FAM13A: variants seen among roughly 807,000 people sequenced by gnomAD.
FAM13A encodes the protein protein FAM13A.
Under a neutral mutation model 129.6 loss-of-function variants are expected in FAM13A, and 76 were observed. The ratio of observed to expected loss-of-function variants is 0.59; its 90% CI spans 0.49 to 0.71. The LOEUF (loss-of-function observed/expected upper bound fraction) is 0.71, where lower values mean the gene tolerates loss of function less well. Among genes scored for constraint, FAM13A ranks in the 30% least tolerant of loss-of-function variants. FAM13A has a pLI of 0.00. For missense variants in FAM13A, 1,108 were observed against 1,249.3 expected (o/e 0.89, Z 1.70); for synonymous variants, 443 against 449.9 (o/e 0.98, Z 0.20).
intron 4 of FAM13A, among the ~76,000 whole-genome samples, chr4:88,944,869 C>A (rs1394816945): frequency 6.6e-6 from 1 of 151,286 alleles, no homozygotes; most frequent in Non-Finnish European, 1.5e-5. Flanking sequence ...TGCCACTGCA[C>A]TCCAGCCTCG....
At chr4:88,978,806 A>G (rs551418808) in intron 4 of FAM13A, among the ~76,000 whole-genome samples, 27 of 152,274 alleles carry the variant, frequency 1.8e-4, no homozygotes, top group African/African-American at 5.8e-4. Flanking sequence ...AAAAAAAAAG[A>G]TAACATCAAA....
intron 3 of FAM13A, among the ~76,000 whole-genome samples, chr4:88,996,063 A>C (rs897360893): frequency 6.6e-6 from 1 of 152,188 alleles, no homozygotes; most frequent in South Asian, 2.1e-4. Context: ...GTAGGCAAGG[A>C]AACAGCACAC....
chr4:88,768,035 G>A lies in FAM13A; in HGVS notation c.1483C>T (p.Arg495Ter), dbSNP rs754615660. 3 of 1,607,252 alleles carry A rather than the reference G, an allele frequency of 1.9e-6. No individual in the cohort carries two copies. The highest frequency in any genetic ancestry group is 2.6e-6 in the Non-Finnish European group (3 of 1,174,200). Residue 495 changes from arginine (R) to a stop codon, truncating the protein, a stop_gained, in exon 12 of 24, where the codon CGA becomes TGA. Transcript: ENST00000264344. LOFTEE classifies it high-confidence loss of function. ...LVNMESLNSTRSHERTGPDDF... is the reference protein window; with the variant it reads ...LVNMESLNST ...TCAGGTCCAGTTCTCTCATGAGATC[G>A]TGTGGAATTGAGACTTTCCATATTC...
intron 3 of FAM13A, among the ~76,000 whole-genome samples, chr4:89,018,789 T>C (rs185394609): frequency 5.3e-5 from 8 of 152,310 alleles, no homozygotes; most frequent in Admixed American, 1.3e-4. Flanking sequence ...CTTGGGTAGT[T>C]TGAAGAGTCT....
intron 4 of FAM13A, among the ~76,000 whole-genome samples, chr4:88,948,642 C>T (rs1284951291): frequency 6.6e-6 from 1 of 152,122 alleles, no homozygotes; most frequent in Non-Finnish European, 1.5e-5. Context: ...GTACATGCCA[C>T]CACGCCTGGC....
intron 9 of FAM13A, among the ~76,000 whole-genome samples, chr4:88,789,865 C>G (rs891594537): frequency 2.0e-5 from 3 of 152,070 alleles, no homozygotes; most frequent in African/African-American, 7.2e-5. Context: ...TACAAAGGCT[C>G]TGAGGCAGCA....
intron 14 of FAM13A, 120 bp downstream of exon 14, chr4:88,758,634 A>C (rs1022853775): frequency 4.0e-6 from 4 of 991,600 alleles, no homozygotes; most frequent in Non-Finnish European, 5.9e-6. Context: ...TTGGAAATGC[A>C]GTTACTTCTG....
intron 1 of FAM13A, among the ~76,000 whole-genome samples, chr4:89,030,263 T>A (rs1054248787): frequency 6.6e-6 from 1 of 152,008 alleles, no homozygotes; most frequent in Non-Finnish European, 1.5e-5. Flanking sequence ...CAATTTTAAA[T>A]TTTTCAACAA....
At chr4:88,730,286 T>G (rs931167565) in intron 23 of FAM13A, among the ~76,000 whole-genome samples, 8 of 152,232 alleles carry the variant, frequency 5.3e-5, no homozygotes, top group African/African-American at 1.9e-4. Flanking sequence ...ACTGTGACTT[T>G]CGGTAAGATT....
intron 6 of FAM13A, among the ~76,000 whole-genome samples, chr4:88,882,073 G>A (rs1368010366): frequency 6.6e-6 from 1 of 152,066 alleles, no homozygotes; most frequent in Non-Finnish European, 1.5e-5. Flanking sequence ...GAATAACCGA[G>A]GAAAACTTCC....
chr4:88,891,083 T>C (rs528640171), intron 6 of FAM13A, among the ~76,000 whole-genome samples: 1 of 152,248 alleles, frequency 6.6e-6, no homozygotes, highest in African/African-American at 2.4e-5. Context: ...TACCAAATAT[T>C]AAAGCAATTG....
At chr4:88,961,346 CCTTT>C (rs1758572515) in intron 4 of FAM13A, among the ~76,000 whole-genome samples, 13 of 89,348 alleles carry the variant, frequency 1.5e-4, no homozygotes, top group Non-Finnish European at 1.6e-4. Flanking sequence ...GTGGAATTTG[CCTTT>C]TTTTTTTTTT....
In FAM13A at chr4:88,990,966, A is replaced by T; in HGVS notation, c.605+7T>A. 6.2e-7 allele frequency: 1 copy of T among 1,610,120 alleles called. No individual in the cohort carries two copies. The highest frequency in any genetic ancestry group is 1.1e-5 in the South Asian group (1 of 90,948). ...ATGATATTAACAGTAAAACTCCACT[A>T]ACTTACTGAAAGCAATTTGGCCCAA... On this transcript the variant is annotated splice_region_variant and intron_variant, in intron 4 of 23. Coordinates refer to ENST00000264344, the MANE Select transcript of FAM13A (RefSeq NM_014883.4).
chr4:88,793,349 G>A (rs1725544178), intron 8 of FAM13A, among the ~76,000 whole-genome samples: 1 of 151,846 alleles, frequency 6.6e-6, no homozygotes. Context: ...GAGTACAAAA[G>A]TAAACGAATA....
At chr4:89,009,881 T>A (rs539812586) in intron 3 of FAM13A, among the ~76,000 whole-genome samples, 4 of 152,230 alleles carry the variant, frequency 2.6e-5, no homozygotes, top group Admixed American at 2.6e-4. Flanking sequence ...CTGCAACAGA[T>A]GCCAAGCTCT....
intron 6 of FAM13A, among the ~76,000 whole-genome samples, chr4:88,865,878 C>CTTTTTTTTT (rs34865210): frequency 1.2e-5 from 1 of 83,196 alleles, no homozygotes; most frequent in African/African-American, 5.2e-5. Flanking sequence ...TTGTCTCTCT[C>CTTTTTTTTT]TTTTTTTTTT....
At chr4:88,811,028 A>G (rs773331986) in intron 7 of FAM13A, among the ~76,000 whole-genome samples, 8 of 152,166 alleles carry the variant, frequency 5.3e-5, no homozygotes, top group Non-Finnish European at 1.2e-4. Context: ...TTGCTATATA[A>G]TGCACACTGA....
chr4:88,972,194 T>C (rs1408681741), intron 4 of FAM13A, among the ~76,000 whole-genome samples: 1 of 152,080 alleles, frequency 6.6e-6, no homozygotes, highest in Middle Eastern at 3.2e-3. Context: ...ACTTACACCA[T>C]TTTCCTTCTC....
intron 13 of FAM13A, among the ~76,000 whole-genome samples, chr4:88,765,896 C>T (rs999796185): frequency 6.6e-6 from 1 of 152,156 alleles, no homozygotes; most frequent in Non-Finnish European, 1.5e-5. Flanking sequence ...TTGGTGGCTG[C>T]ACATGAGTAA....
Sources: allele counts gnomAD v4.1 joint callset (sites outside exome capture counted in the v4.1 genomes callset), GRCh38; gene constraint gnomAD v4.1.1; transcripts MANE v1.5; gene names NCBI Gene and HGNC (gene_info 2026-07-23, HGNC 2026-07-21).